The following COL4A1 variants were observed in gnomAD, a reference collection of about 807,000 sequenced individuals.
The protein encoded by COL4A1 is collagen alpha-1(IV) chain.
COL4A1 carries 40 observed loss-of-function variants against 216.6 expected under a neutral mutation model. The ratio of observed to expected loss-of-function variants is 0.18; its 90% CI spans 0.14 to 0.24. The LOEUF is 0.24. Ranked by LOEUF, COL4A1 falls within the 10% of genes least tolerant of loss-of-function variation. The pLI, the probability that COL4A1 is intolerant of heterozygous loss-of-function variation, is 1.00. For synonymous variants in COL4A1, 839 were observed against 810.7 expected, an observed-to-expected ratio of 1.03 and a Z score of -0.59; for missense variants, 1,628 against 2,196.8, an observed-to-expected ratio of 0.74 and a Z score of 5.18.
At chr13:110,304,097 C>T (rs1884597448) in intron 1 of COL4A1, among the ~76,000 whole-genome samples, 1 of 152,092 alleles carries the variant, frequency 6.6e-6, no homozygotes, top group African/African-American at 2.4e-5. Flanking sequence ...AACATTGTGT[C>T]TTCTGGTTGG....
chr13:110,160,562 C>T (rs1309592646), intron 49 of COL4A1, among the ~76,000 whole-genome samples: 1 of 152,162 alleles, frequency 6.6e-6, no homozygotes, highest in African/African-American at 2.4e-5. Context: ...AACACTGTTC[C>T]AACGCTTGCT....
At chr13:110,164,772 A>C in intron 46 of COL4A1, 90 bp downstream of exon 46, 1 of 1,539,986 alleles carries the variant, frequency 6.5e-7, no homozygotes, top group Non-Finnish European at 8.8e-7. Flanking sequence ...ATTACCCAGA[A>C]ACTTATTTTA....
intron 26 of COL4A1, among the ~76,000 whole-genome samples, chr13:110,183,880 G>A (rs1026968405): frequency 2.6e-5 from 4 of 152,178 alleles, no homozygotes; most frequent in Non-Finnish European, 5.9e-5. Context: ...GAGAGCCACC[G>A]GAGTGTCAGG....
intron 2 of COL4A1, among the ~76,000 whole-genome samples, chr13:110,238,020 G>A (rs1053016098): frequency 2.6e-5 from 4 of 152,208 alleles, no homozygotes; most frequent in African/African-American, 9.6e-5. Context: ...CAGACAGATA[G>A]CAATGCCATC....
chr13:110,222,325 G>T (rs1371652469), intron 2 of COL4A1, among the ~76,000 whole-genome samples: 5 of 152,206 alleles, frequency 3.3e-5, no homozygotes, highest in African/African-American at 9.7e-5. Context: ...AGTGGATCCA[G>T]CCCGTGACAG....
intron 36 of COL4A1, 127 bp from the exon 37 acceptor site, chr13:110,175,484 T>A: frequency 6.7e-7 from 1 of 1,499,350 alleles, no homozygotes; most frequent in Non-Finnish European, 9.0e-7. Context: ...CCAGCCAAGA[T>A]TGAGATACAA....
At position 110,158,739 on chromosome 13, in the gene COL4A1, CTT is replaced by C. The variant is rs556230875; in HGVS notation, c.4640+2451_4640+2452del. Among the ~76,000 whole-genome samples the C allele has an allele frequency of 9.0e-3, 957 of 105,828 alleles. 6 individuals carry two copies. The highest frequency in any genetic ancestry group is 0.039 in the South Asian group (126 of 3,270). 69.4% of individuals were successfully genotyped at this position (105,828 alleles called of 152,430 possible). On this transcript the variant is annotated intron_variant, in intron 49 of 51. Transcript: ENST00000375820. ...TTTCTGAATATTTCTAAGAAATAAA[CTT>C]TTTTTTTTTTTTTTTTTTGAGACAG...
intron 40 of COL4A1, among the ~76,000 whole-genome samples, chr13:110,173,256 T>C (rs995253833): frequency 4.6e-5 from 7 of 151,104 alleles, no homozygotes; most frequent in Non-Finnish European, 8.8e-5. Context: ...AACAAATGTA[T>C]AGAATATAAA....
Position 110,268,365 on chromosome 13 carries a change from G to A in COL4A1, c.85-25631C>T, listed in dbSNP as rs1340830043. Among the ~76,000 whole-genome samples the A allele has an allele frequency of 2.0e-5, 3 of 152,222 alleles. No individual in the cohort carries two copies. The highest frequency in any genetic ancestry group is 4.4e-5 in the Non-Finnish European group (3 of 68,046). On this transcript the variant is annotated intron_variant, in intron 1 of 51. Transcript: ENST00000375820. The surrounding 1 kb of genome is among the most constrained non-coding windows in gnomAD (Gnocchi z 4.1). ...AAGATGGCAGGGATTTCTTGGGTGG[G>A]GAGGGGAGGGAAAGGGAGGTGAGTA...
Position 110,152,633 on chromosome 13 carries a change from C to G in COL4A1, c.4756-127G>C, listed in dbSNP as rs1278738524. 2.7e-6 allele frequency: 3 copies of G among 1,106,064 alleles called. No individual in the cohort carries two copies. The East Asian group carries it at 7.8e-5, about 29-fold the overall frequency. 68.5% of individuals were successfully genotyped at this position (1,106,064 alleles called of 1,614,324 possible). On this transcript the variant is annotated intron_variant, in intron 50 of 51. Transcript: ENST00000375820. ...GCCACACACTGCAGCCTCATGTGGT[C>G]ACCACAGGACACACTCTGTGCCCAA...
At chr13:110,161,033 T>C in intron 49 of COL4A1, 159 bp downstream of exon 49, 1 of 839,378 alleles carries the variant, frequency 1.2e-6, no homozygotes, top group Non-Finnish European at 1.9e-6. Context: ...TCAAATAATT[T>C]TTATGGTAGA....
intron 19 of COL4A1, 149 bp from the exon 20 acceptor site, chr13:110,201,038 G>GC: frequency 1.2e-6 from 1 of 818,360 alleles, no homozygotes; most frequent in Non-Finnish European, 2.1e-6. Context: ...GACCACCCGA[G>GC]CCCCCACTCT....
At chr13:110,253,752 A>G (rs56672585) in intron 1 of COL4A1, among the ~76,000 whole-genome samples, 17,776 of 130,870 alleles carry the variant, frequency 0.14, 4,019 homozygotes, top group Non-Finnish European at 0.18. Context: ...TTACATATAC[A>G]TATAATTATA....
chr13:110,214,410 G>T (rs1334827875), intron 2 of COL4A1, among the ~76,000 whole-genome samples: 9 of 152,112 alleles, frequency 5.9e-5, no homozygotes, highest in African/African-American at 2.2e-4. Flanking sequence ...AATTTTAGGT[G>T]CCAAGTTGAC....
In COL4A1 at chr13:110,212,483, C is replaced by T. The variant is rs2139205538; in HGVS notation, c.325-4G>A. 6.2e-7 allele frequency: 1 copy of T among 1,614,120 alleles called. No individual in the cohort carries two copies. The highest frequency in any genetic ancestry group is 8.5e-7 in the Non-Finnish European group (1 of 1,180,038). On this transcript the variant is annotated splice_region_variant and splice_polypyrimidine_tract_variant and intron_variant, in intron 5 of 51. Transcript: ENST00000375820. ...GGCCGTCTTGGCCAGGAATTCCCTGCAATGAAGAAAGTGAAAATGTAACCC... is the reference window on the plus strand; with the variant it reads ...GGCCGTCTTGGCCAGGAATTCCCTGTAATGAAGAAAGTGAAAATGTAACCC...
In COL4A1 at chr13:110,205,367, G is replaced by A. The variant is rs1057517719; in HGVS notation, c.943C>T (p.Arg315Cys). ...GEPGYPGLIG[R>C]QGPQGEKGEA... ...CCAGCGTTTACCTGCGGGCCCTGGC[G>A]GCCTATGAGTCCTGGGTACCCGGGT... The change falls in exon 17 of 52, where the codon CGC becomes TGC. Residue 315 changes from arginine to cysteine, a missense_variant. Coordinates refer to ENST00000375820, the MANE Select transcript of COL4A1 (RefSeq NM_001845.6). 1 of 1,614,012 alleles carries A rather than the reference G, an allele frequency of 6.2e-7. No individual in the cohort carries two copies. Among genetic ancestry groups the A allele is most frequent in the Non-Finnish European group, 8.5e-7 (1 of 1,180,022 alleles).
intron 1 of COL4A1, among the ~76,000 whole-genome samples, chr13:110,253,722 TA>T (rs1341802574): frequency 7.0e-6 from 1 of 143,598 alleles, no homozygotes; most frequent in African/African-American, 2.6e-5. Context: ...CATATACGTA[TA>T]ATTATACGTA....
At position 110,290,953 on chromosome 13, in the gene COL4A1, C is replaced by T. The variant is rs149796592; in HGVS notation, c.84+15991G>A. On this transcript the variant is annotated intron_variant, in intron 1 of 51. Transcript: ENST00000375820. ...GCCGTGCAGTGGCAGAAGCCAAGGG[C>T]GATTGCACGTCCCCCAGGGGTGGGC... Among the ~76,000 whole-genome samples the T allele has an allele frequency of 1.6e-3, 237 of 152,306 alleles. 2 individuals carry two copies. The highest frequency in any genetic ancestry group is 5.5e-3 in the African/African-American group (229 of 41,570).
intron 2 of COL4A1, among the ~76,000 whole-genome samples, chr13:110,228,743 T>C (rs1248959775): frequency 6.6e-6 from 1 of 152,190 alleles, no homozygotes; most frequent in Non-Finnish European, 1.5e-5. Context: ...CAATTGTCTC[T>C]AGAGGAGGAC....
Sources: gnomAD v4.1 joint callset for allele counts (sites outside exome capture counted in the v4.1 genomes callset) on GRCh38, gnomAD v4.1.1 for gene constraint, Gnocchi (gnomAD v3.1) non-coding constraint, MANE v1.5 for transcripts, NCBI Gene and HGNC (gene_info 2026-07-23, HGNC 2026-07-21) for gene names.